The following DENND5B variants were observed in gnomAD, a reference collection of about 807,000 sequenced individuals.
DENND5B encodes DENN domain containing 5B.
Under a neutral mutation model 140.6 loss-of-function variants are expected in DENND5B, and 34 were observed. That is an observed-to-expected ratio of 0.24 (90% CI 0.18 to 0.32). The LOEUF is 0.32. Among genes scored for constraint, DENND5B ranks in the 10% least tolerant of loss-of-function variants. The pLI is 1.00. For synonymous variants in DENND5B, 551 were observed against 562.1 expected, an observed-to-expected ratio of 0.98 and a Z score of 0.28; for missense variants, 1,142 against 1,560.2, an observed-to-expected ratio of 0.73 and a Z score of 4.52.
intron 5 of DENND5B, among the ~76,000 whole-genome samples, chr12:31,451,544 C>CA (rs1174079200): frequency 6.6e-6 from 1 of 152,088 alleles, no homozygotes; most frequent in Non-Finnish European, 1.5e-5. Flanking sequence ...AGGCTGGTCT[C>CA]AAACTCCTGA....
intron 1 of DENND5B, among the ~76,000 whole-genome samples, chr12:31,563,029 A>C (rs1165572368): frequency 1.3e-5 from 2 of 152,052 alleles, no homozygotes; most frequent in Non-Finnish European, 2.9e-5. Flanking sequence ...TTGGTGAGAC[A>C]GATGGAGAGC....
rs928655693 is a variant in DENND5B, at chr12:31,572,216, C to T, written c.127+18490G>A. Among the ~76,000 whole-genome samples, 6 of 149,212 alleles carry T rather than the reference C, an allele frequency of 4.0e-5. No individual in the cohort carries two copies. The South Asian group carries it at 1.3e-3, about 31-fold the overall frequency. ...TCCAGCCTGGGCAACAAGAGCGAAA[C>T]TCTGTCTCAAAAAAAAAAAGAAAAA... On this transcript the variant is annotated intron_variant, in intron 1 of 20. Transcript: ENST00000389082.
chr12:31,524,784 C>G (rs1484798486), intron 1 of DENND5B, among the ~76,000 whole-genome samples: 1 of 152,130 alleles, frequency 6.6e-6, no homozygotes, highest in South Asian at 2.1e-4. Flanking sequence ...CTTGACACAT[C>G]AGCTTAGAGA....
At chr12:31,549,529 AT>A (rs557722449) in intron 1 of DENND5B, among the ~76,000 whole-genome samples, 1 of 150,298 alleles carries the variant, frequency 6.7e-6, no homozygotes, top group Non-Finnish European at 1.5e-5. Context: ...TAATGTGACT[AT>A]TTTTTTTAAT....
chr12:31,510,430 C>T (rs1427576487), intron 1 of DENND5B, among the ~76,000 whole-genome samples: 1 of 152,192 alleles, frequency 6.6e-6, no homozygotes, highest in Non-Finnish European at 1.5e-5. Context: ...ATTCTCCTGC[C>T]TCAGCCTCCC....
chr12:31,481,835 G>A (rs751987768), intron 2 of DENND5B, among the ~76,000 whole-genome samples: 2 of 152,194 alleles, frequency 1.3e-5, no homozygotes, highest in African/African-American at 2.4e-5. Flanking sequence ...ATCCATCTTG[G>A]AACACTAAGG....
chr12:31,423,720 C>A (rs1186929947), intron 10 of DENND5B, 45 bp from the exon 11 acceptor site: 1 of 1,573,712 alleles, frequency 6.4e-7, no homozygotes, highest in Non-Finnish European at 8.7e-7. Context: ...AATAATTCAT[C>A]AAAAAATAAT....
intron 2 of DENND5B, among the ~76,000 whole-genome samples, chr12:31,490,238 C>G (rs1150963): frequency 0.8 from 119,362 of 148,660 alleles, 48,307 homozygotes; most frequent in African/African-American, 0.89. Flanking sequence ...AGGAAACGGG[C>G]GAGAGGATGG....
At chr12:31,467,897 A>G (rs1392395839) in intron 3 of DENND5B, among the ~76,000 whole-genome samples, 1 of 152,156 alleles carries the variant, frequency 6.6e-6, no homozygotes, top group Non-Finnish European at 1.5e-5. Flanking sequence ...TCAATTCAAA[A>G]CATCAAAAAC....
chr12:31,576,771 G>C (rs951066497), intron 1 of DENND5B, among the ~76,000 whole-genome samples: 2 of 151,856 alleles, frequency 1.3e-5, no homozygotes, highest in African/African-American at 4.8e-5. Context: ...CACAGCCGTG[G>C]TCTCAGCTTC....
chr12:31,574,356 A>G (rs1372106973), intron 1 of DENND5B, among the ~76,000 whole-genome samples: 2 of 151,250 alleles, frequency 1.3e-5, no homozygotes, highest in African/African-American at 4.9e-5. Context: ...TTGGGAGGCC[A>G]AGGCGGGTGG....
At position 31,460,315 on chromosome 12, in the gene DENND5B, T is replaced by A; in HGVS notation, c.971A>T (p.His324Leu). Residue 324 changes from histidine to leucine, a missense_variant, in exon 4 of 21, where the codon CAT (histidine) becomes CTT (leucine). Physicochemically the swap from His to Leu is moderately conservative, Grantham distance 99. Around this residue, in one of 5 missense-constraint regions of DENND5B, gnomAD observed 708 missense variants for 905.5 expected, o/e 0.78. Coordinates refer to ENST00000389082, the MANE Select transcript of DENND5B (RefSeq NM_144973.4). The part of the protein sequence containing the change: ...TTLLFPFQWQ[H>L]VYVPILPASL... ...AGCAGGTAGAATGGGCACATAAACA[T>A]GTTGCCATTGAAATGGGAACAAAAG... 1.2e-6 allele frequency: 2 copies of A among 1,613,946 alleles called. No individual in the cohort carries two copies. Among genetic ancestry groups the A allele is most frequent in the Non-Finnish European group, 1.7e-6 (2 of 1,179,882 alleles).
chr12:31,500,129 G>C (rs1946945395), intron 1 of DENND5B, among the ~76,000 whole-genome samples: 1 of 152,090 alleles, frequency 6.6e-6, no homozygotes. Context: ...TTAGAAAATT[G>C]GAATACTGGC....
intron 1 of DENND5B, among the ~76,000 whole-genome samples, chr12:31,586,511 ATATAGT>A (rs1331397514): frequency 6.6e-6 from 1 of 152,212 alleles, no homozygotes; most frequent in African/African-American, 2.4e-5. Context: ...ATTTTTATGT[ATATAGT>A]TAAATTATTT....
At chr12:31,548,704 C>T (rs1948942247) in intron 1 of DENND5B, among the ~76,000 whole-genome samples, 1 of 152,188 alleles carries the variant, frequency 6.6e-6, no homozygotes, top group Non-Finnish European at 1.5e-5. Context: ...CAAACCTCTT[C>T]CTCCTTTGGG....
chr12:31,452,456 G>A lies in DENND5B; in HGVS notation c.1113C>T (p.Asp371=). 6.2e-7 allele frequency: 1 copy of A among 1,602,214 alleles called. No homozygotes were observed. The highest frequency in any genetic ancestry group is 1.1e-5 in the South Asian group (1 of 88,950). ...LPQEANLCFV[D]IDNHFIELPE... ...GCAACTCAATAAAATGGTTGTCAAT[G>A]TCCACAAAACACAAATTAGCCTGAA... The change falls in exon 5 of 21, where the codon GAC becomes GAT. Residue 371 remains aspartate (D), a synonymous_variant. Coordinates refer to ENST00000389082, the MANE Select transcript of DENND5B (RefSeq NM_144973.4).
At chr12:31,578,402 T>C (rs760434993) in intron 1 of DENND5B, among the ~76,000 whole-genome samples, 1 of 152,198 alleles carries the variant, frequency 6.6e-6, no homozygotes, top group Non-Finnish European at 1.5e-5. Flanking sequence ...GACTGACTAC[T>C]TCTGCAGTGA....
At chr12:31,388,226 C>CTTTTTTTTTTTT (rs35891849) in intron 20 of DENND5B, among the ~76,000 whole-genome samples, 1 of 91,480 alleles carries the variant, frequency 1.1e-5, no homozygotes, top group Non-Finnish European at 2.0e-5. Flanking sequence ...TAGGGACTTG[C>CTTTTTTTTTTTT]TTTTTTTTTT....
At chr12:31,560,341 T>G (rs1592052828) in intron 1 of DENND5B, among the ~76,000 whole-genome samples, 1 of 152,348 alleles carries the variant, frequency 6.6e-6, no homozygotes, top group East Asian at 1.9e-4. Flanking sequence ...GAGTCATCTT[T>G]GATTCATCCC....
Sources: allele counts gnomAD v4.1 joint callset (sites outside exome capture counted in the v4.1 genomes callset), GRCh38; gene constraint gnomAD v4.1.1; regional missense constraint gnomAD v4.1.1; transcripts MANE v1.5; gene names NCBI Gene and HGNC (gene_info 2026-07-23, HGNC 2026-07-21).